MAGI1: variants seen among roughly 807,000 people sequenced by gnomAD.
MAGI1 encodes membrane-associated guanylate kinase, WW and PDZ domain-containing protein 1.
MAGI1 carries 58 observed loss-of-function variants against 139.9 expected under a neutral mutation model. The ratio of observed to expected loss-of-function variants is 0.41; its 90% CI spans 0.34 to 0.52. MAGI1 has a LOEUF of 0.52. Ranked by LOEUF, MAGI1 falls within the 20% of genes least tolerant of loss-of-function variation. The probability of loss-of-function intolerance (pLI) is 0.12; values close to 1 mark genes in which losing one functional copy is unlikely to be tolerated. For missense variants in MAGI1, 1,874 were observed against 1,901.6 expected (o/e 0.99, Z 0.27); for synonymous variants, 812 against 737.9 (o/e 1.10, Z -1.63).
chr3:65,774,197 A>G (rs1225533774), intron 1 of MAGI1, among the ~76,000 whole-genome samples: 1 of 152,138 alleles, frequency 6.6e-6, no homozygotes, highest in African/African-American at 2.4e-5. Context: ...TAACTGACAT[A>G]TAATTCCGGC....
At chr3:65,419,842 G>A (rs1356578943) in intron 12 of MAGI1, among the ~76,000 whole-genome samples, 1 of 152,084 alleles carries the variant, frequency 6.6e-6, no homozygotes, top group African/African-American at 2.4e-5. Context: ...CTGCTACAAG[G>A]GCAGAGTAGA....
chr3:65,720,327 G>A (rs1296610672), intron 1 of MAGI1, among the ~76,000 whole-genome samples: 3 of 152,278 alleles, frequency 2.0e-5, no homozygotes, highest in African/African-American at 7.2e-5. Flanking sequence ...CTGCTGTGAA[G>A]TACCTTACCT....
chr3:65,858,206 A>C (rs911897151), intron 1 of MAGI1, among the ~76,000 whole-genome samples: 2 of 152,260 alleles, frequency 1.3e-5, no homozygotes, highest in African/African-American at 2.4e-5. Flanking sequence ...CATCCTTAGC[A>C]TCAAACAAAA....
chr3:65,803,079 T>C (rs1051278902), intron 1 of MAGI1, among the ~76,000 whole-genome samples: 1 of 152,164 alleles, frequency 6.6e-6, no homozygotes, highest in East Asian at 1.9e-4. Flanking sequence ...GCCCATTTTT[T>C]TGTTTCTTTG....
intron 2 of MAGI1, among the ~76,000 whole-genome samples, chr3:65,541,626 C>A (rs2079229807): frequency 6.6e-6 from 1 of 152,178 alleles, no homozygotes; most frequent in African/African-American, 2.4e-5. Context: ...GTACGCAAAT[C>A]AATAAACGTA....
At chr3:65,847,404 T>C (rs1435938839) in intron 1 of MAGI1, among the ~76,000 whole-genome samples, 1 of 152,088 alleles carries the variant, frequency 6.6e-6, no homozygotes, top group Non-Finnish European at 1.5e-5. Flanking sequence ...AAAATCTAAG[T>C]CCACACAGGC....
At chr3:65,503,241 A>T (rs2077155500) in intron 2 of MAGI1, among the ~76,000 whole-genome samples, 1 of 152,154 alleles carries the variant, frequency 6.6e-6, no homozygotes, top group Admixed American at 6.5e-5. Flanking sequence ...CATCCCTATA[A>T]CACATTATAA....
intron 2 of MAGI1, among the ~76,000 whole-genome samples, chr3:65,619,442 C>T (rs1205320770): frequency 6.6e-6 from 1 of 152,150 alleles, no homozygotes; most frequent in Non-Finnish European, 1.5e-5. Context: ...CTAAAATGCA[C>T]AGGGAAAGAT....
chr3:65,909,886 G>T (rs1309060594), intron 1 of MAGI1, among the ~76,000 whole-genome samples: 1 of 152,110 alleles, frequency 6.6e-6, no homozygotes, highest in Non-Finnish European at 1.5e-5. Context: ...GGTGGGGGAT[G>T]GTTTGGGGAC....
chr3:65,420,207 G>A (rs1173496965), intron 12 of MAGI1, among the ~76,000 whole-genome samples: 1 of 152,098 alleles, frequency 6.6e-6, no homozygotes, highest in Non-Finnish European at 1.5e-5. Flanking sequence ...TCGAACTCCA[G>A]GTCCTGGCCT....
intron 1 of MAGI1, among the ~76,000 whole-genome samples, chr3:65,877,239 A>C (rs1394749068): frequency 5.9e-5 from 9 of 152,316 alleles, no homozygotes; most frequent in Admixed American, 5.2e-4. Flanking sequence ...CAAATTAAGT[A>C]GTTTTTGACA....
At chr3:65,677,072 T>C (rs962693727) in intron 1 of MAGI1, among the ~76,000 whole-genome samples, 1 of 152,154 alleles carries the variant, frequency 6.6e-6, no homozygotes, top group Non-Finnish European at 1.5e-5. Flanking sequence ...ACATACACGA[T>C]GAGAAAGAGA....
At chr3:65,994,669 C>A (rs1369754632) in intron 1 of MAGI1, among the ~76,000 whole-genome samples, 1 of 152,192 alleles carries the variant, frequency 6.6e-6, no homozygotes, top group African/African-American at 2.4e-5. Context: ...TGGGGTGAAC[C>A]ATCTGGGGTC....
At chr3:65,436,396 T>C (rs6764505) in intron 10 of MAGI1, among the ~76,000 whole-genome samples, 45,920 of 151,850 alleles carry the variant, frequency 0.3, 7,282 homozygotes, top group African/African-American at 0.36. Context: ...AATTTAAGAG[T>C]AATGAGGCCT....
chr3:65,539,429 T>C (rs1050343733), intron 2 of MAGI1, among the ~76,000 whole-genome samples: 3 of 152,158 alleles, frequency 2.0e-5, no homozygotes, highest in African/African-American at 7.2e-5. Context: ...CAGAAACACA[T>C]ATCAGCTACT....
At chr3:66,002,818 T>C (rs1185195026) in intron 1 of MAGI1, among the ~76,000 whole-genome samples, 2 of 152,150 alleles carry the variant, frequency 1.3e-5, no homozygotes, top group Non-Finnish European at 2.9e-5. Context: ...ACCTGGCCTA[T>C]TTTTCAAAAA....
At chr3:65,597,459 A>T (rs1291023899) in intron 2 of MAGI1, among the ~76,000 whole-genome samples, 2 of 151,250 alleles carry the variant, frequency 1.3e-5, no homozygotes, top group Admixed American at 1.3e-4. Flanking sequence ...CATCTGCTCC[A>T]GAGCCCGGCC....
intron 1 of MAGI1, among the ~76,000 whole-genome samples, chr3:65,733,168 C>T (rs970755183): frequency 1.3e-5 from 2 of 152,248 alleles, no homozygotes; most frequent in African/African-American, 4.8e-5. Flanking sequence ...AAGCAATTCT[C>T]CTGCCTCAGC....
rs566714019 is a variant in MAGI1 at position 65,614,848 on chromosome 3, A to G, written c.430+7124T>C. Among the ~76,000 whole-genome samples the G allele has an allele frequency of 3.9e-5, 6 of 152,142 alleles. No homozygotes were observed. The East Asian group carries it at 9.7e-4, about 25-fold the overall frequency. On this transcript the variant is annotated intron_variant, in intron 2 of 22. Coordinates refer to ENST00000402939, the MANE Select transcript of MAGI1 (RefSeq NM_001033057.2). ...GTAAGGAGAAGGACTGATAAAATAC[A>G]TAAGATCAAAAACAGAAATAAAAAA... is the stretch of plus-strand genomic sequence containing the variant.
Sources: gnomAD v4.1 joint callset for allele counts (sites outside exome capture counted in the v4.1 genomes callset) on GRCh38, gnomAD v4.1.1 for gene constraint, MANE v1.5 for transcripts, NCBI Gene and HGNC (gene_info 2026-07-23, HGNC 2026-07-21) for gene names.